Variants in UBE3A observed in about 807,000 individuals in gnomAD.
UBE3A encodes the protein ubiquitin protein ligase E3A, also known as ubiquitin-protein ligase E3A.
A neutral mutation model predicts 83.4 loss-of-function variants in UBE3A; 6 were observed. That is an observed-to-expected ratio of 0.07 (90% CI 0.04 to 0.14). The LOEUF is 0.14. UBE3A is among the 10% of genes least tolerant of loss of function. The pLI is 1.00. For missense variants in UBE3A, 456 were observed against 1,036.1 expected, an observed-to-expected ratio of 0.44 and a Z score of 7.69; for synonymous variants, 337 against 355.4, an observed-to-expected ratio of 0.95 and a Z score of 0.58.
At position 25,338,363 on chromosome 15, in the gene UBE3A, TAAGA is replaced by T. The variant is rs1225233246; in HGVS notation, c.*770_*773del. On this transcript the variant is annotated 3_prime_UTR_variant, in exon 13 of 13. Coordinates refer to ENST00000648336, the MANE Select transcript of UBE3A (RefSeq NM_130839.5). ...CAAAAATCCCTGTCCTTTCATATAC[TAAGA>T]AAGAGGATTGGCTACTGAAACAGTT... 2 of 152,056 alleles carry T rather than the reference TAAGA, an allele frequency of 1.3e-5. No individual in the cohort carries two copies. Among genetic ancestry groups the T allele is most frequent in the Admixed American group, 6.5e-5 (1 of 15,274 alleles). The allele number at this position is 152,056 out of a possible 1,614,324, so 9.4% of individuals were successfully genotyped here.
At chr15:25,364,053 A>AATAAATAAATAAATAC (rs2078597198) in intron 6 of UBE3A, among the ~76,000 whole-genome samples, 1 of 149,844 alleles carries the variant, frequency 6.7e-6, no homozygotes. Context: ...TAAATAAATA[A>AATAAATAAATAAATAC]ATAAATAAAT....
rs373746667 is a variant in UBE3A at position 25,360,351 on chromosome 15, C to T, written c.1753+32G>A. ...CAAATAACTAACTCAAAAGATGATA[C>T]GACACCATAATCACATTACTAATGT... On this transcript the variant is annotated intron_variant, in intron 7 of 12. Transcript: ENST00000648336. The T allele has an allele frequency of 6.6e-5, 106 of 1,612,270 alleles. 1 individual carries two copies. In the East Asian group the frequency reaches 1.5e-3, roughly 23 times the overall value.
intron 3 of UBE3A, chr15:25,408,295 A>G (rs936515209): frequency 4.6e-5 from 18 of 392,156 alleles, no homozygotes; most frequent in South Asian, 2.0e-4. Context: ...TAAAGAGTCT[A>G]CTTATTCTTT....
intron 1 of UBE3A, among the ~76,000 whole-genome samples, chr15:25,427,262 A>G (rs1011724406): frequency 5.9e-5 from 9 of 152,142 alleles, no homozygotes; most frequent in African/African-American, 2.2e-4. Flanking sequence ...TTCAATTAAC[A>G]GTATAATATA....
Position 25,334,441 on chromosome 15 carries a change from C to T in UBE3A, c.*4696G>A, listed in dbSNP as rs1025601561. 6.6e-6 allele frequency: 1 copy of T among 152,080 alleles called. No homozygotes were observed. The highest frequency in any genetic ancestry group is 1.5e-5 in the Non-Finnish European group (1 of 68,010). 9.4% of individuals were successfully genotyped at this position (152,080 alleles called of 1,614,324 possible). On this transcript the variant is annotated 3_prime_UTR_variant, in exon 13 of 13. Transcript: ENST00000648336. ...GCAAAGACATCCCACAGTCATGGAACAGAAAACCTAACACCATTAAAATAG... is the reference window on the plus strand; with the variant it reads ...GCAAAGACATCCCACAGTCATGGAATAGAAAACCTAACACCATTAAAATAG...
intron 4 of UBE3A, among the ~76,000 whole-genome samples, chr15:25,388,099 C>T (rs2083513993): frequency 1.3e-5 from 2 of 152,112 alleles, no homozygotes; most frequent in South Asian, 4.1e-4. Context: ...GGAGATGCTC[C>T]TATCTCATTG....
intron 1 of UBE3A, among the ~76,000 whole-genome samples, chr15:25,420,503 A>C (rs1281781382): frequency 2.6e-5 from 4 of 152,224 alleles, no homozygotes; most frequent in Non-Finnish European, 5.9e-5. Flanking sequence ...TCTGACAAAG[A>C]ACATATGTTC....
chr15:25,367,202 T>TTTGTAAATATGTAAATATTTACATAC (rs2079323335), intron 6 of UBE3A, among the ~76,000 whole-genome samples: 18 of 98,232 alleles, frequency 1.8e-4, no homozygotes, highest in Non-Finnish European at 3.3e-4. Flanking sequence ...TATTTACATA[T>TTTGTAAATATGTAAATATTTACATAC]TTGTAAATAT....
chr15:25,437,464 G>A (rs55928350), intron 1 of UBE3A, among the ~76,000 whole-genome samples: 18,145 of 152,144 alleles, frequency 0.12, 1,160 homozygotes, highest in Middle Eastern at 0.23. Flanking sequence ...AAAAAAAACT[G>A]TAATAATTTG....
intron 1 of UBE3A, among the ~76,000 whole-genome samples, chr15:25,413,310 A>C (rs959359264): frequency 5.3e-5 from 8 of 152,044 alleles, no homozygotes; most frequent in Non-Finnish European, 1.5e-5. Context: ...CATTTTATTC[A>C]TTTCTATTTT....
At chr15:25,383,359 A>G (rs1468113804) in intron 4 of UBE3A, among the ~76,000 whole-genome samples, 1 of 152,176 alleles carries the variant, frequency 6.6e-6, no homozygotes, top group Non-Finnish European at 1.5e-5. Context: ...AAAAAAGGCC[A>G]GACAGGGTGG....
Position 25,371,856 on chromosome 15 carries a change from T to C in UBE3A, c.362-44A>G, listed in dbSNP as rs1446709322. On this transcript the variant is annotated intron_variant, in intron 5 of 12. Transcript: ENST00000648336. The surrounding 1 kb of genome is among the most constrained non-coding windows in gnomAD (Gnocchi z 5.3). Reference sequence around the variant, plus strand: ...AAAGAGAACATTTATTTTCATAATATGTATGTTTACTCTGTTGCAAAAAGT... The same window carrying C: ...AAAGAGAACATTTATTTTCATAATACGTATGTTTACTCTGTTGCAAAAAGT... The C allele has an allele frequency of 2.5e-6, 4 of 1,573,842 alleles. No individual in the cohort carries two copies. In the South Asian group the frequency reaches 3.4e-5, roughly 13 times the overall value.
In UBE3A at chr15:25,371,748, A is replaced by G. The variant is rs747336961; in HGVS notation, c.426T>C (p.Asp142=). ...CAATAACACGGATTAAAGGGGAATA[A>G]TCCTCTCTTTCTCTACATAATTCAA... ...EILELCRERE[D]YSPLIRVIGR... is the part of the protein sequence containing the mutation. The change falls in exon 6 of 13, where the codon GAT becomes GAC. Residue 142 remains aspartate, a synonymous_variant. Transcript: ENST00000648336. The surrounding 1 kb of genome is among the most constrained non-coding windows in gnomAD (Gnocchi z 5.3). The G allele has an allele frequency of 1.2e-6, 2 of 1,613,828 alleles. No individual in the cohort carries two copies. Among genetic ancestry groups the G allele is most frequent in the Non-Finnish European group, 1.7e-6 (2 of 1,179,996 alleles).
intron 4 of UBE3A, among the ~76,000 whole-genome samples, chr15:25,385,668 A>G (rs2082991610): frequency 6.6e-6 from 1 of 152,154 alleles, no homozygotes. Flanking sequence ...AGGATAAGTG[A>G]GGTCACAGGG....
chr15:25,436,898 T>G (rs1163786770), intron 1 of UBE3A, among the ~76,000 whole-genome samples: 3 of 152,202 alleles, frequency 2.0e-5, no homozygotes, highest in Admixed American at 6.5e-5. Flanking sequence ...CAGAGGATAG[T>G]GAGCATACTA....
chr15:25,340,168 A>G lies in UBE3A; in HGVS notation c.2415T>C (p.Phe805=), dbSNP rs587780991. Residue 805 remains phenylalanine (F), a synonymous_variant, in exon 12 of 13, where the codon TTT becomes TTC. Transcript: ENST00000648336. ...TDEQKRLFLQ[F]TTGTDRAPVG... is the part of the protein sequence containing the mutation. ...CAGGTGCTCTGTCTGTGCCCGTTGT[A>G]AACTGCAAGAAGAGTCTTTTCTGTT... The G allele has an allele frequency of 3.7e-5, 59 of 1,613,964 alleles. No individual in the cohort carries two copies. The highest frequency in any genetic ancestry group is 4.3e-5 in the Non-Finnish European group (51 of 1,179,992).
intron 4 of UBE3A, among the ~76,000 whole-genome samples, chr15:25,394,371 T>C (rs995916616): frequency 8.5e-5 from 13 of 152,196 alleles, no homozygotes; most frequent in African/African-American, 2.4e-4. Context: ...GTTTCGAGTA[T>C]ACTGGAAGCA....
rs774594429 is a variant in UBE3A at position 25,409,155 on chromosome 15, G to A, written c.-48C>T. The A allele has an allele frequency of 1.9e-6, 3 of 1,582,326 alleles. No individual in the cohort carries two copies. Among genetic ancestry groups the A allele is most frequent in the Non-Finnish European group, 2.6e-6 (3 of 1,160,644 alleles). On this transcript the variant is annotated 5_prime_UTR_variant, in exon 3 of 13. Transcript: ENST00000648336. ...AGCTTTGAGTCACTGATTAAAAACA[G>A]GTTGTCACACCAGTCTAGCTGCTAC... is the stretch of plus-strand genomic sequence containing the variant.
intron 4 of UBE3A, among the ~76,000 whole-genome samples, chr15:25,395,825 G>C (rs2085428536): frequency 1.3e-5 from 2 of 152,128 alleles, no homozygotes; most frequent in African/African-American, 4.8e-5. Flanking sequence ...TAAATCACTT[G>C]TTGTATTTAC....
Sources: gnomAD v4.1 joint callset for allele counts (sites outside exome capture counted in the v4.1 genomes callset) on GRCh38, gnomAD v4.1.1 for gene constraint, Gnocchi (gnomAD v3.1) non-coding constraint, MANE v1.5 for transcripts, NCBI Gene and HGNC (gene_info 2026-07-23, HGNC 2026-07-21) for gene names.